CDH12: variants seen among roughly 807,000 people sequenced by gnomAD.
CDH12 encodes cadherin 12.
A neutral mutation model predicts 74.1 loss-of-function variants in CDH12; 41 were observed. The observed-to-expected ratio is 0.55, with a 90% CI of 0.43 to 0.72. The LOEUF is 0.72. CDH12 is among the 30% of genes least tolerant of loss of function. The pLI is 0.00. For missense variants in CDH12, 945 were observed against 977.2 expected (o/e 0.97, Z 0.44); for synonymous variants, 399 against 355.0 (o/e 1.12, Z -1.39).
At chr5:22,395,665 T>C (rs928852831) in intron 3 of CDH12, among the ~76,000 whole-genome samples, 2 of 152,128 alleles carry the variant, frequency 1.3e-5, no homozygotes, top group Admixed American at 6.6e-5. Flanking sequence ...AGAAATGTCA[T>C]GTAGGCAGTT....
intron 5 of CDH12, among the ~76,000 whole-genome samples, chr5:22,049,037 T>G (rs1740161903): frequency 6.6e-6 from 1 of 152,148 alleles, no homozygotes; most frequent in African/African-American, 2.4e-5. Context: ...TTGCTTATAT[T>G]TATGCCTGAA....
chr5:22,318,755 G>T (rs1738734953), intron 3 of CDH12, among the ~76,000 whole-genome samples: 1 of 152,112 alleles, frequency 6.6e-6, no homozygotes, highest in African/African-American at 2.4e-5. Context: ...AACATGACAT[G>T]CTTGTATATG....
intron 4 of CDH12, among the ~76,000 whole-genome samples, chr5:22,180,382 G>T (rs1213224421): frequency 6.6e-6 from 1 of 151,860 alleles, no homozygotes; most frequent in Non-Finnish European, 1.5e-5. Context: ...GTCTACAGTG[G>T]CTTAATTTTT....
chr5:22,040,106 AAGAT>A (rs1365628944), intron 5 of CDH12, among the ~76,000 whole-genome samples: 7 of 152,128 alleles, frequency 4.6e-5, no homozygotes, highest in Non-Finnish European at 8.8e-5. Context: ...AAATTTAGCA[AAGAT>A]AGATATCATA....
chr5:22,483,563 A>C (rs1315673690), intron 2 of CDH12, among the ~76,000 whole-genome samples: 6 of 150,480 alleles, frequency 4.0e-5, no homozygotes, highest in Admixed American at 2.7e-4. Context: ...TATGACAAGG[A>C]GGTAGGCGAG....
At chr5:22,807,425 A>C (rs1361195349) in intron 1 of CDH12, among the ~76,000 whole-genome samples, 1 of 152,202 alleles carries the variant, frequency 6.6e-6, no homozygotes, top group African/African-American at 2.4e-5. Context: ...AGACATAATA[A>C]TAGAGGGAGC....
At chr5:22,297,185 C>A (rs1451621655) in intron 3 of CDH12, among the ~76,000 whole-genome samples, 1 of 151,938 alleles carries the variant, frequency 6.6e-6, no homozygotes, top group Non-Finnish European at 1.5e-5. Context: ...CCATGCCCGG[C>A]TAATTTTGTA....
intron 6 of CDH12, among the ~76,000 whole-genome samples, chr5:21,963,303 CCT>C (rs1356442999): frequency 6.6e-6 from 1 of 152,020 alleles, no homozygotes; most frequent in East Asian, 1.9e-4. Context: ...TCTACCCCTA[CCT>C]CTTTTTGGAA....
In CDH12 at chr5:21,993,860, A is replaced by G. The variant is rs370302024; in HGVS notation, c.232-18475T>C. Among the ~76,000 whole-genome samples, 1,035 of 152,306 alleles carry G rather than the reference A, an allele frequency of 6.8e-3. 5 individuals are homozygous for G. The highest frequency in any genetic ancestry group is 9.8e-3 in the Non-Finnish European group (667 of 68,032). ...AAATGCAGCAATAGAATACTAGTAC[A>G]GATAAATACTGAAATCTAATATTTG... On this transcript the variant is annotated intron_variant, in intron 5 of 14. Transcript: ENST00000382254.
At chr5:22,045,481 C>A (rs558172053) in intron 5 of CDH12, among the ~76,000 whole-genome samples, 1 of 151,964 alleles carries the variant, frequency 6.6e-6, no homozygotes, top group South Asian at 2.1e-4. Flanking sequence ...GAAATATTTG[C>A]ACTCCAATGT....
At chr5:22,377,659 C>T (rs1276011468) in intron 3 of CDH12, among the ~76,000 whole-genome samples, 2 of 152,144 alleles carry the variant, frequency 1.3e-5, no homozygotes, top group Non-Finnish European at 2.9e-5. Flanking sequence ...CTTTAAACAC[C>T]TCACTTTCTA....
At chr5:22,693,075 TC>T (rs1331667780) in intron 1 of CDH12, among the ~76,000 whole-genome samples, 1 of 152,064 alleles carries the variant, frequency 6.6e-6, no homozygotes. Flanking sequence ...GGTCTTGAAT[TC>T]CTAGGCTCAA....
intron 6 of CDH12, among the ~76,000 whole-genome samples, chr5:21,942,347 T>TATATACACAC (rs1225173229): frequency 3.9e-5 from 5 of 129,668 alleles, no homozygotes; most frequent in African/African-American, 1.6e-4. Flanking sequence ...TATATATATA[T>TATATACACAC]ACACACACAC....
At chr5:22,053,293 G>A (rs1580174352) in intron 5 of CDH12, among the ~76,000 whole-genome samples, 1 of 152,182 alleles carries the variant, frequency 6.6e-6, no homozygotes, top group East Asian at 1.9e-4. Context: ...TATGTCTCAA[G>A]TTATAACCCA....
intron 4 of CDH12, among the ~76,000 whole-genome samples, chr5:22,188,437 G>A (rs1750089661): frequency 6.6e-6 from 1 of 152,030 alleles, no homozygotes; most frequent in Admixed American, 6.6e-5. Context: ...CCAGTCAAAG[G>A]TATTCCTTTA....
intron 6 of CDH12, among the ~76,000 whole-genome samples, chr5:21,859,412 G>A (rs1356069804): frequency 6.6e-6 from 1 of 151,806 alleles, no homozygotes; most frequent in South Asian, 2.1e-4. Context: ...AACAGCATGG[G>A]GGAAACCGCC....
At chr5:22,026,123 T>A (rs1242542756) in intron 5 of CDH12, among the ~76,000 whole-genome samples, 2 of 152,126 alleles carry the variant, frequency 1.3e-5, no homozygotes, top group Non-Finnish European at 2.9e-5. Flanking sequence ...GAATGGTGAT[T>A]CCTATCCAGA....
chr5:22,699,899 G>C (rs1039291169), intron 1 of CDH12, among the ~76,000 whole-genome samples: 24 of 152,144 alleles, frequency 1.6e-4, no homozygotes, highest in Admixed American at 1.5e-3. Context: ...CCACAGCCAG[G>C]AACGATGGCG....
At chr5:22,829,452 T>C (rs1736478348) in intron 1 of CDH12, among the ~76,000 whole-genome samples, 1 of 152,174 alleles carries the variant, frequency 6.6e-6, no homozygotes, top group South Asian at 2.1e-4. Context: ...ATTTGATGGA[T>C]TGAATTAGTG....
Sources: gnomAD v4.1 joint callset for allele counts (sites outside exome capture counted in the v4.1 genomes callset) on GRCh38, gnomAD v4.1.1 for gene constraint, MANE v1.5 for transcripts, NCBI Gene and HGNC (gene_info 2026-07-23, HGNC 2026-07-21) for gene names.